Variants in ARHGEF4 observed in about 807,000 individuals in gnomAD.
The protein encoded by ARHGEF4 is Rho guanine nucleotide exchange factor 4.
In ARHGEF4, 119 loss-of-function variants were observed where a neutral mutation model predicts 162.0. That is an observed-to-expected ratio of 0.73 (90% confidence interval 0.63 to 0.86). ARHGEF4 has a LOEUF of 0.86. Ranked by LOEUF, ARHGEF4 falls within the 40% of genes least tolerant of loss-of-function variation. The probability of loss-of-function intolerance (pLI) is 0.00; values close to 1 mark genes in which losing one functional copy is unlikely to be tolerated. For missense variants in ARHGEF4, 2,488 were observed against 2,456.0 expected (o/e 1.01, Z -0.28); for synonymous variants, 1,014 against 979.9 (o/e 1.03, Z -0.65).
At chr2:130,889,136 C>T (rs1281851420) in intron 1 of ARHGEF4, among the ~76,000 whole-genome samples, 1 of 151,526 alleles carries the variant, frequency 6.6e-6, no homozygotes, top group Non-Finnish European at 1.5e-5. Flanking sequence ...AGAAATTATA[C>T]GTCTGTCTCT....
At chr2:130,864,723 CAAAACA>C (rs1253737199) in intron 1 of ARHGEF4, among the ~76,000 whole-genome samples, 6 of 151,776 alleles carry the variant, frequency 4.0e-5, no homozygotes, top group South Asian at 2.1e-4. Context: ...GACTCTGTCT[CAAAACA>C]AAAACAAAAA....
At chr2:130,897,318 G>A (rs533937995) in intron 1 of ARHGEF4, among the ~76,000 whole-genome samples, 2 of 152,328 alleles carry the variant, frequency 1.3e-5, no homozygotes, top group East Asian at 1.9e-4. Context: ...CCTGGGAGAC[G>A]CATGGTGGGC....
chr2:130,991,863 T>G (rs1426850874), intron 4 of ARHGEF4, among the ~76,000 whole-genome samples: 1 of 152,232 alleles, frequency 6.6e-6, no homozygotes, highest in East Asian at 1.9e-4. Flanking sequence ...CAGCTCCACC[T>G]GCAGCCCCGG....
intron 4 of ARHGEF4, among the ~76,000 whole-genome samples, chr2:130,974,125 AG>A (rs1277956470): frequency 6.6e-6 from 1 of 151,626 alleles, no homozygotes; most frequent in African/African-American, 2.4e-5. Context: ...AAAAAAAATT[AG>A]CCAGGCATGA....
intron 5 of ARHGEF4, chr2:131,035,115 GCGCGGCCC>G: frequency 8.8e-7 from 1 of 1,141,252 alleles, no homozygotes; most frequent in Non-Finnish European, 1.1e-6. Context: ...CGCAGCCCCG[GCGCGGCCC>G]CGCGGCGCCC....
intron 4 of ARHGEF4, among the ~76,000 whole-genome samples, chr2:130,980,048 A>T (rs1240610233): frequency 6.6e-6 from 1 of 152,208 alleles, no homozygotes; most frequent in Non-Finnish European, 1.5e-5. Flanking sequence ...TACTCATCAC[A>T]TATGTCTAAT....
Position 131,044,465 on chromosome 2 carries a change from G to C in ARHGEF4, c.5324G>C (p.Arg1775Thr). The change falls in exon 12 of 14, where the codon AGG (arginine) becomes ACG (threonine). Residue 1775 changes from arginine (R) to threonine (T), a missense_variant. By Grantham distance (71) the Arg-to-Thr change is moderately conservative. Coordinates refer to ENST00000409359, the MANE Select transcript of ARHGEF4 (RefSeq NM_001367493.1). ...ATGDSHLLCT[R>T]KPEQKQRWLK... ...GGGGACAGCCACCTGCTGTGCACCA[G>C]GAAGCCCGAGCAGAAGCAGCGCTGG... 6.4e-7 allele frequency: 1 copy of C among 1,554,966 alleles called. No homozygotes were observed. Among genetic ancestry groups the C allele is most frequent in the Non-Finnish European group, 8.7e-7 (1 of 1,149,178 alleles).
At position 131,032,205 on chromosome 2, in the gene ARHGEF4, C is replaced by T. The variant is rs574009419; in HGVS notation, c.4125+4121C>T. ...TAGGCATCAGGCTCCTCTGTGGGGCCGAGGAGGGGGAACAAGAGCCAGGTC... is the reference window on the plus strand; with the variant it reads ...TAGGCATCAGGCTCCTCTGTGGGGCTGAGGAGGGGGAACAAGAGCCAGGTC... On this transcript the variant is annotated intron_variant, in intron 5 of 13. Coordinates refer to ENST00000409359, the MANE Select transcript of ARHGEF4 (RefSeq NM_001367493.1). Among the ~76,000 whole-genome samples the T allele has an allele frequency of 2.2e-3, 339 of 151,890 alleles. 1 individual carries two copies. The highest frequency in any genetic ancestry group is 3.9e-3 in the Non-Finnish European group (262 of 67,900).
At chr2:130,963,744 T>A (rs1684785590) in intron 4 of ARHGEF4, 1 of 146,484 alleles carries the variant, frequency 6.8e-6, no homozygotes, top group East Asian at 2.0e-4. Flanking sequence ...CGGCCGGTAG[T>A]GGGCAGCGAG....
chr2:131,027,378 T>A (rs920944366), intron 4 of ARHGEF4, among the ~76,000 whole-genome samples: 13 of 152,154 alleles, frequency 8.5e-5, no homozygotes, highest in African/African-American at 3.1e-4. Context: ...TATTACAAGT[T>A]CTAACTCTTG....
chr2:130,952,919 T>C (rs1367018514), intron 4 of ARHGEF4, among the ~76,000 whole-genome samples: 1 of 152,136 alleles, frequency 6.6e-6, no homozygotes, highest in African/African-American at 2.4e-5. Flanking sequence ...TACAAACAAA[T>C]GGAAGAACAT....
intron 4 of ARHGEF4, among the ~76,000 whole-genome samples, chr2:130,978,572 G>A (rs777831683): frequency 1.4e-4 from 22 of 152,164 alleles, no homozygotes; most frequent in Non-Finnish European, 2.8e-4. Context: ...CTTCAATTGT[G>A]TCGCATTACA....
At chr2:130,868,690 A>T (rs973789952) in intron 1 of ARHGEF4, among the ~76,000 whole-genome samples, 5 of 152,190 alleles carry the variant, frequency 3.3e-5, no homozygotes, top group Admixed American at 3.3e-4. Context: ...TTATGGGGAA[A>T]GTATGACTTT....
intron 4 of ARHGEF4, among the ~76,000 whole-genome samples, chr2:130,964,519 C>T (rs1294471023): frequency 1.3e-5 from 2 of 152,248 alleles, no homozygotes; most frequent in African/African-American, 4.8e-5. Context: ...CATACCAGAG[C>T]GCGCTGTCAA....
intron 1 of ARHGEF4, chr2:130,837,829 G>T: frequency 3.8e-6 from 1 of 265,094 alleles, no homozygotes; most frequent in Non-Finnish European, 7.5e-6. Flanking sequence ...GGTCCAGGGG[G>T]AGGCAGACCT....
At chr2:130,977,000 CTG>C in intron 4 of ARHGEF4, among the ~76,000 whole-genome samples, 1 of 150,120 alleles carries the variant, frequency 6.7e-6, no homozygotes, top group Non-Finnish European at 1.5e-5. Flanking sequence ...ATTACTGTGT[CTG>C]GCATGTGTTT....
chr2:130,965,970 A>G (rs1175119673), intron 4 of ARHGEF4, among the ~76,000 whole-genome samples: 1 of 152,166 alleles, frequency 6.6e-6, no homozygotes, highest in Non-Finnish European at 1.5e-5. Context: ...ATGGCAGGGC[A>G]GGGTTTAAAA....
At chr2:131,019,018 C>A (rs192848863) in intron 4 of ARHGEF4, among the ~76,000 whole-genome samples, 1 of 152,100 alleles carries the variant, frequency 6.6e-6, no homozygotes, top group Admixed American at 6.5e-5. Flanking sequence ...TCAGGAAATG[C>A]GGGTCCTCCA....
intron 1 of ARHGEF4, among the ~76,000 whole-genome samples, chr2:130,854,849 T>TATTA (rs1681654820): frequency 1.1e-5 from 1 of 91,720 alleles, no homozygotes; most frequent in South Asian, 3.8e-4. Context: ...GTCTGACTTT[T>TATTA]ATTTATTTAT....
Sources: gnomAD v4.1 joint callset for allele counts (sites outside exome capture counted in the v4.1 genomes callset) on GRCh38, gnomAD v4.1.1 for gene constraint, MANE v1.5 for transcripts, NCBI Gene and HGNC (gene_info 2026-07-23, HGNC 2026-07-21) for gene names.